The following SLC14A2 variants were observed in gnomAD, a reference collection of about 807,000 sequenced individuals.
SLC14A2 encodes the protein solute carrier family 14 member 2.
A neutral mutation model predicts 104.6 loss-of-function variants in SLC14A2; 91 were observed. The observed-to-expected ratio is 0.87, with a 90% CI of 0.73 to 1.04. SLC14A2 has a LOEUF of 1.04. Ranked by LOEUF, SLC14A2 falls within the 50% of genes least tolerant of loss-of-function variation. The pLI, the probability that SLC14A2 is intolerant of heterozygous loss-of-function variation, is 0.00. For synonymous variants in SLC14A2, 476 were observed against 466.4 expected (o/e 1.02, Z -0.27); for missense variants, 1,189 against 1,156.0 (o/e 1.03, Z -0.41).
intron 1 of SLC14A2, among the ~76,000 whole-genome samples, chr18:45,270,010 A>G (rs2084634545): frequency 6.6e-6 from 1 of 152,120 alleles, no homozygotes; most frequent in African/African-American, 2.4e-5. Flanking sequence ...AGAAAAACAT[A>G]TTTACATTCC....
chr18:45,383,367 G>A (rs2085858917), intron 1 of SLC14A2, among the ~76,000 whole-genome samples: 1 of 152,114 alleles, frequency 6.6e-6, no homozygotes, highest in South Asian at 2.1e-4. Context: ...ATCTCCTTCA[G>A]CCTAAGGCAT....
chr18:45,392,717 A>G (rs945625037), intron 1 of SLC14A2, among the ~76,000 whole-genome samples: 5 of 152,202 alleles, frequency 3.3e-5, no homozygotes, highest in Non-Finnish European at 7.3e-5. Context: ...TACATATACA[A>G]CTAGGAAGTT....
At chr18:45,564,620 A>G (rs1406063631) in intron 2 of SLC14A2, among the ~76,000 whole-genome samples, 1 of 152,212 alleles carries the variant, frequency 6.6e-6, no homozygotes, top group Non-Finnish European at 1.5e-5. Flanking sequence ...CAAAATGAGG[A>G]AGGGGATGCC....
intron 6 of SLC14A2, among the ~76,000 whole-genome samples, chr18:45,637,434 G>A (rs1424291422): frequency 6.6e-6 from 1 of 152,148 alleles, no homozygotes; most frequent in African/African-American, 2.4e-5. Context: ...CCTGCTCTTA[G>A]GAAGCCTACA....
intron 2 of SLC14A2, among the ~76,000 whole-genome samples, chr18:45,533,334 T>C (rs1301132619): frequency 1.3e-5 from 2 of 151,958 alleles, no homozygotes; most frequent in African/African-American, 4.8e-5. Flanking sequence ...GTCCTGGACT[T>C]TTTTTGGTTG....
At chr18:45,476,540 G>A (rs1450280483) in intron 1 of SLC14A2, among the ~76,000 whole-genome samples, 1 of 152,142 alleles carries the variant, frequency 6.6e-6, no homozygotes, top group Admixed American at 6.5e-5. Flanking sequence ...TTGCGAGGCT[G>A]GGGAAGTTGT....
In SLC14A2 at chr18:45,235,815, A is replaced by G. The variant is rs771209783; in HGVS notation, c.-125+22624A>G. Among the ~76,000 whole-genome samples the G allele has an allele frequency of 4.4e-3, 369 of 82,976 alleles. 47 individuals carry two copies. The highest frequency in any genetic ancestry group is 0.01 in the African/African-American group (144 of 14,118). The allele number at this position is 82,976 out of a possible 152,430, so 54.4% of individuals were successfully genotyped here. A position where few individuals can be genotyped will look rare whatever the true frequency, so the allele number is the denominator to read the frequency against. ...TATGCGCGTGTGTGTGTGTGTGTGT[A>G]TATATATATATATATACGTGTATAT... On this transcript the variant is annotated intron_variant, in intron 1 of 20. Coordinates refer to the SLC14A2 transcript ENST00000586448.
the SLC14A2 span, among the ~76,000 whole-genome samples, chr18:45,198,285 CTT>C: frequency 6.6e-6 from 1 of 152,110 alleles, no homozygotes; most frequent in South Asian, 2.1e-4. Flanking sequence ...TATATTGTCT[CTT>C]TTTTAATACA....
chr18:45,375,707 A>G (rs981534864), intron 1 of SLC14A2, among the ~76,000 whole-genome samples: 9 of 152,220 alleles, frequency 5.9e-5, no homozygotes, highest in African/African-American at 1.9e-4. Flanking sequence ...GACAGTTACA[A>G]TGTTACAGTA....
At chr18:45,494,911 CACAT>C (rs1376928497) in intron 2 of SLC14A2, among the ~76,000 whole-genome samples, 1 of 85,666 alleles carries the variant, frequency 1.2e-5, no homozygotes, top group Non-Finnish European at 2.4e-5. Flanking sequence ...CACACACACA[CACAT>C]ACACACACAC....
intron 1 of SLC14A2, among the ~76,000 whole-genome samples, chr18:45,471,895 T>A (rs186019912): frequency 3.3e-5 from 5 of 152,294 alleles, no homozygotes; most frequent in Non-Finnish European, 7.3e-5. Context: ...TTTTTTATTA[T>A]ACTTTAAGTT....
chr18:45,403,624 TGCTCCATG>T (rs994182896), intron 1 of SLC14A2, among the ~76,000 whole-genome samples: 2 of 152,124 alleles, frequency 1.3e-5, no homozygotes, highest in Non-Finnish European at 2.9e-5. Context: ...CTTAATTGGA[TGCTCCATG>T]GCCTAGTTCA....
intron 1 of SLC14A2, among the ~76,000 whole-genome samples, chr18:45,452,430 G>A (rs1312083943): frequency 2.0e-5 from 3 of 152,144 alleles, no homozygotes; most frequent in Non-Finnish European, 4.4e-5. Context: ...TCCATTGTTT[G>A]TGTGTGAGTG....
intron 2 of SLC14A2, among the ~76,000 whole-genome samples, chr18:45,518,371 T>C (rs1598951399): frequency 6.6e-6 from 1 of 151,234 alleles, no homozygotes; most frequent in South Asian, 2.1e-4. Context: ...TCAAACTCCA[T>C]CTAACTCCCC....
At chr18:45,465,592 G>GCATC (rs2087125985) in intron 1 of SLC14A2, among the ~76,000 whole-genome samples, 1 of 151,180 alleles carries the variant, frequency 6.6e-6, no homozygotes, top group Non-Finnish European at 1.5e-5. Flanking sequence ...ATCCATGCAT[G>GCATC]CATCCATCCA....
At chr18:45,503,604 C>A (rs564780285) in intron 2 of SLC14A2, among the ~76,000 whole-genome samples, 1 of 152,344 alleles carries the variant, frequency 6.6e-6, no homozygotes, top group South Asian at 2.1e-4. Context: ...CAGACACAAT[C>A]TCCACTTTTT....
chr18:45,530,861 C>A (rs1479507433), intron 2 of SLC14A2, among the ~76,000 whole-genome samples: 1 of 151,942 alleles, frequency 6.6e-6, no homozygotes, highest in Non-Finnish European at 1.5e-5. Context: ...CCCCCCACCC[C>A]ACAACAGTCC....
At chr18:45,339,553 A>AAC (rs753471580) in intron 1 of SLC14A2, among the ~76,000 whole-genome samples, 6 of 151,746 alleles carry the variant, frequency 4.0e-5, no homozygotes, top group Non-Finnish European at 5.9e-5. Flanking sequence ...GATTAAAATG[A>AAC]ACACACACAC....
At chr18:45,289,736 T>A (rs1403269090) in intron 1 of SLC14A2, among the ~76,000 whole-genome samples, 1 of 152,218 alleles carries the variant, frequency 6.6e-6, no homozygotes, top group East Asian at 1.9e-4. Context: ...AGGTGGTGTC[T>A]GTTCCCCTGG....
Sources: allele counts gnomAD v4.1 joint callset (sites outside exome capture counted in the v4.1 genomes callset), GRCh38; gene constraint gnomAD v4.1.1; transcripts MANE v1.5; gene names NCBI Gene and HGNC (gene_info 2026-07-23, HGNC 2026-07-21).